Variants in DOT1L observed in about 807,000 individuals in gnomAD.
DOT1L encodes DOT1 like histone lysine methyltransferase, also known as histone-lysine N-methyltransferase, H3 lysine-79 specific.
A neutral mutation model predicts 153.3 loss-of-function variants in DOT1L; 33 were observed. That is an observed-to-expected ratio of 0.22 (90% confidence interval 0.16 to 0.29). The LOEUF is 0.29. Among genes scored for constraint, DOT1L ranks in the 10% least tolerant of loss-of-function variants. DOT1L has a pLI of 1.00. For missense variants in DOT1L, 1,847 were observed against 2,119.9 expected (o/e 0.87, Z 2.53); for synonymous variants, 1,135 against 965.1 (o/e 1.18, Z -3.26).
At chr19:2,218,533 A>G (rs1253089766) in intron 22 of DOT1L, among the ~76,000 whole-genome samples, 1 of 150,172 alleles carries the variant, frequency 6.7e-6, no homozygotes, top group African/African-American at 2.5e-5. Context: ...AGCTGGGACT[A>G]CAGGCGCCCG....
At chr19:2,199,618 G>C (rs1186319318) in intron 7 of DOT1L, among the ~76,000 whole-genome samples, 2 of 152,208 alleles carry the variant, frequency 1.3e-5, no homozygotes, top group Non-Finnish European at 2.9e-5. Context: ...CAGTCCCCTT[G>C]GCTGGGCCTG....
Position 2,190,336 on chromosome 19 carries a change from TG to T in DOT1L, c.264+543del, listed in dbSNP as rs2022737708. ...TGTTCTAGAAAGCACCGGGGGCCCCTGGTGCATGGGGGTAGGGGAGCTCTTT... is the reference window on the plus strand; with the variant it reads ...TGTTCTAGAAAGCACCGGGGGCCCCTGTGCATGGGGGTAGGGGAGCTCTTT... On this transcript the variant is annotated intron_variant, in intron 4 of 27. Coordinates refer to ENST00000398665, the MANE Select transcript of DOT1L (RefSeq NM_032482.3). This position sits in a 1 kb window ranked among gnomAD's most constrained non-coding sequence, Gnocchi z 4.8. Among the ~76,000 whole-genome samples the T allele has an allele frequency of 1.3e-5, 2 of 152,056 alleles. No homozygotes were observed. Among genetic ancestry groups the T allele is most frequent in the African/African-American group, 4.8e-5 (2 of 41,390 alleles).
In DOT1L at chr19:2,222,765, T is replaced by A; in HGVS notation, c.3390+206T>A. On this transcript the variant is annotated intron_variant, in intron 24 of 27. Coordinates refer to ENST00000398665, the MANE Select transcript of DOT1L (RefSeq NM_032482.3). The surrounding 1 kb of genome is among the most constrained non-coding windows in gnomAD (Gnocchi z 6.5). ...AATACAAAAGATTAGCCGGGCGTGG[T>A]GGCGGGTGCCTGGGAGGCTGAGGCA... 1 of 578,944 alleles carries A rather than the reference T, an allele frequency of 1.7e-6. No homozygotes were observed. The highest frequency in any genetic ancestry group is 2.9e-6 in the Non-Finnish European group (1 of 343,190). 35.9% of individuals were successfully genotyped at this position (578,944 alleles called of 1,614,324 possible).
chr19:2,230,099 CTATA>C lies in DOT1L; in HGVS notation c.*310_*313del. The stretch of plus-strand genomic sequence containing the variant: ...ATATAAATATCTATATATGAGAGCT[CTATA>C]TAAAGACACGTGTCTGCAGGGCGGG... On this transcript the variant is annotated 3_prime_UTR_variant, in exon 28 of 28. Transcript: ENST00000398665. The C allele has an allele frequency of 7.1e-6, 4 of 560,912 alleles. No homozygotes were observed. In the Admixed American group the frequency reaches 1.4e-4, roughly 19 times the overall value. The allele number at this position is 560,912 out of a possible 1,614,324, so 34.7% of individuals were successfully genotyped here.
intron 1 of DOT1L, among the ~76,000 whole-genome samples, chr19:2,171,487 C>G (rs925600420): frequency 1.3e-5 from 2 of 152,168 alleles, no homozygotes; most frequent in African/African-American, 4.8e-5. Context: ...CGGTTGTCAC[C>G]ACCGGGGTGG....
Position 2,220,865 on chromosome 19 carries a change from T to C in DOT1L, c.2806+643T>C, listed in dbSNP as rs894813437. 6 of 279,516 alleles carry C rather than the reference T, an allele frequency of 2.1e-5. No homozygotes were observed. Among genetic ancestry groups the C allele is most frequent in the Middle Eastern group, 2.7e-3 (2 of 748 alleles). The allele number at this position is 279,516 out of a possible 1,614,324, so 17.3% of individuals were successfully genotyped here. ...TTGAGATGCGGTATGATGCGGCAGC[T>C]ACTTTTTTAGGAGTAAAAAGTAAAA... On this transcript the variant is annotated intron_variant, in intron 23 of 27. Transcript: ENST00000398665. The surrounding 1 kb of genome is among the most constrained non-coding windows in gnomAD (Gnocchi z 4.5).
intron 16 of DOT1L, 128 bp from the exon 17 acceptor site, chr19:2,213,411 G>C: frequency 3.4e-6 from 3 of 880,772 alleles, no homozygotes; most frequent in East Asian, 2.6e-5. Flanking sequence ...AGCCCGGTGT[G>C]GGTCCCCTCA....
chr19:2,214,671 T>C, intron 19 of DOT1L, 75 bp downstream of exon 19: 4 of 1,557,526 alleles, frequency 2.6e-6, no homozygotes, highest in Non-Finnish European at 3.5e-6. Flanking sequence ...TCGTTGAGCC[T>C]AGGGTGGTTG....
At chr19:2,211,584 C>T (rs867892129) in intron 15 of DOT1L, among the ~76,000 whole-genome samples, 167 bp from the exon 16 acceptor site, 1 of 152,184 alleles carries the variant, frequency 6.6e-6, no homozygotes, top group East Asian at 1.9e-4. Context: ...GAGTGCTCTG[C>T]GAGCTTGGGG....
intron 16 of DOT1L, chr19:2,213,037 A>G (rs1313706190): frequency 6.4e-6 from 1 of 155,094 alleles, no homozygotes; most frequent in Non-Finnish European, 1.4e-5. Flanking sequence ...ATGCACATGC[A>G]TTGCTCACTG....
Position 2,207,200 on chromosome 19 carries a change from C to T in DOT1L, c.857-374C>T, listed in dbSNP as rs367669396. On this transcript the variant is annotated intron_variant, in intron 10 of 27. Coordinates refer to ENST00000398665, the MANE Select transcript of DOT1L (RefSeq NM_032482.3). This position sits in a 1 kb window ranked among gnomAD's most constrained non-coding sequence, Gnocchi z 4.5. ...CGTGCTCTGTCAGCTCCCAGCCTTG[C>T]GGGGCAGCACGGCCTCCTCTGAGGG... 6.8e-4 allele frequency among the ~76,000 whole-genome samples: 104 copies of T among 152,324 alleles called. No homozygotes were observed. Among genetic ancestry groups the T allele is most frequent in the Non-Finnish European group, 1.1e-3 (76 of 68,012 alleles).
At position 2,193,142 on chromosome 19, in the gene DOT1L, T is replaced by TG. The variant is rs977979651; in HGVS notation, c.494-546dup. 2.0e-5 allele frequency among the ~76,000 whole-genome samples: 3 copies of TG among 152,210 alleles called. No homozygotes were observed. Among genetic ancestry groups the TG allele is most frequent in the African/African-American group, 7.2e-5 (3 of 41,446 alleles). ...CTCCTTCTCCCTTAGAGCCGGGTGT[T>TG]GCTGGGTTGTGTGCTGATGCTGTGA... On this transcript the variant is annotated intron_variant, in intron 5 of 27. Coordinates refer to ENST00000398665, the MANE Select transcript of DOT1L (RefSeq NM_032482.3). The surrounding 1 kb of genome is among the most constrained non-coding windows in gnomAD (Gnocchi z 5.9).
intron 27 of DOT1L, chr19:2,228,509 G>C (rs2024464210): frequency 8.5e-7 from 1 of 1,171,552 alleles, no homozygotes; most frequent in Non-Finnish European, 1.1e-6. Flanking sequence ...GAGAGAGCCA[G>C]GGAGACCAGG....
intron 1 of DOT1L, among the ~76,000 whole-genome samples, chr19:2,174,606 A>C (rs1206855247): frequency 6.6e-6 from 1 of 152,122 alleles, no homozygotes; most frequent in Non-Finnish European, 1.5e-5. Context: ...GAATCGCAAA[A>C]GCTAAGATAA....
intron 7 of DOT1L, among the ~76,000 whole-genome samples, chr19:2,196,422 C>T (rs1278471268): frequency 1.3e-5 from 2 of 152,188 alleles, no homozygotes; most frequent in Non-Finnish European, 2.9e-5. Context: ...AGCCTCCGCC[C>T]CCTGGGTTCA....
chr19:2,180,659 G>A (rs1389280138), intron 1 of DOT1L, 54 bp from the exon 2 acceptor site: 5 of 1,606,698 alleles, frequency 3.1e-6, no homozygotes, highest in African/African-American at 1.3e-5. Context: ...AGAGAGCGAT[G>A]GGCTCACGGG....
At chr19:2,203,475 T>A (rs2023374813) in intron 9 of DOT1L, among the ~76,000 whole-genome samples, 1 of 152,210 alleles carries the variant, frequency 6.6e-6, no homozygotes, top group Non-Finnish European at 1.5e-5. Context: ...GTCCCCTTTA[T>A]TCTTGACCTA....
At position 2,194,547 on chromosome 19, in the gene DOT1L, A is replaced by G. The variant is rs1231176189; in HGVS notation, c.621A>G (p.Lys207=). ...ACCGCGAGTTCAGGAAGTGGATGAA[A>G]TGGTATGGAAAAAAGCATGCAGAAT... ...TMDREFRKWM[K]WYGKKHAEYT... is the part of the protein sequence containing the mutation. Residue 207 remains lysine (K), a synonymous_variant, in exon 7 of 28, where the codon AAA becomes AAG. Coordinates refer to ENST00000398665, the MANE Select transcript of DOT1L (RefSeq NM_032482.3). The G allele has an allele frequency of 1.2e-6, 2 of 1,613,676 alleles. No individual in the cohort carries two copies. Among genetic ancestry groups the G allele is most frequent in the South Asian group, 1.1e-5 (1 of 91,082 alleles).
chr19:2,209,499 C>T (rs1025616852), intron 12 of DOT1L, among the ~76,000 whole-genome samples: 1 of 152,228 alleles, frequency 6.6e-6, no homozygotes, highest in Non-Finnish European at 1.5e-5. Flanking sequence ...GTGCGCTTGT[C>T]CCACCCTCGG....
Sources: allele counts gnomAD v4.1 joint callset (sites outside exome capture counted in the v4.1 genomes callset), GRCh38; gene constraint gnomAD v4.1.1; non-coding constraint Gnocchi (gnomAD v3.1); transcripts MANE v1.5; gene names NCBI Gene and HGNC (gene_info 2026-07-23, HGNC 2026-07-21).